The following GMDS variants were observed in gnomAD, a reference collection of about 807,000 sequenced individuals.
GMDS encodes GDP-mannose 4,6 dehydratase.
Under a neutral mutation model 49.9 loss-of-function variants are expected in GMDS, and 20 were observed. The ratio of observed to expected loss-of-function variants is 0.40; its 90% CI spans 0.28 to 0.58. The LOEUF (loss-of-function observed/expected upper bound fraction) is 0.58. Among genes scored for constraint, GMDS ranks in the 20% least tolerant of loss-of-function variants. The pLI is 0.42. For synonymous variants in GMDS, 177 were observed against 178.6 expected, an observed-to-expected ratio of 0.99 and a Z score of 0.07; for missense variants, 362 against 481.4, an observed-to-expected ratio of 0.75 and a Z score of 2.32.
At chr6:1,641,363 A>C (rs1340915228) in intron 9 of GMDS, among the ~76,000 whole-genome samples, 1 of 152,230 alleles carries the variant, frequency 6.6e-6, no homozygotes, top group Non-Finnish European at 1.5e-5. Context: ...AGCTGGTGGC[A>C]CTCAGAAAGT....
intron 4 of GMDS, among the ~76,000 whole-genome samples, chr6:2,073,336 T>C (rs1581611940): frequency 6.6e-6 from 1 of 152,248 alleles, no homozygotes; most frequent in East Asian, 1.9e-4. Flanking sequence ...AATGACACTC[T>C]GTTTATAGGC....
intron 7 of GMDS, among the ~76,000 whole-genome samples, chr6:1,924,236 T>C (rs1215073973): frequency 6.6e-6 from 1 of 152,244 alleles, no homozygotes; most frequent in Non-Finnish European, 1.5e-5. Context: ...TGATTCAGTC[T>C]GTGCTCACTG....
intron 7 of GMDS, among the ~76,000 whole-genome samples, chr6:1,782,416 A>C (rs1295644115): frequency 6.6e-6 from 1 of 152,236 alleles, no homozygotes; most frequent in Non-Finnish European, 1.5e-5. Flanking sequence ...TTATTATCTC[A>C]TCAGAGGCCA....
intron 6 of GMDS, among the ~76,000 whole-genome samples, chr6:1,938,069 T>C (rs1366926208): frequency 6.6e-6 from 1 of 152,192 alleles, no homozygotes; most frequent in Non-Finnish European, 1.5e-5. Context: ...GGGCATTGTT[T>C]CCTCACTTAA....
At chr6:1,994,547 C>T (rs974276143) in intron 4 of GMDS, among the ~76,000 whole-genome samples, 2 of 152,044 alleles carry the variant, frequency 1.3e-5, no homozygotes, top group Non-Finnish European at 1.5e-5. Flanking sequence ...ATAAATGAGG[C>T]GCAAACTTTG....
chr6:1,822,191 G>A (rs1397850646), intron 7 of GMDS, among the ~76,000 whole-genome samples: 1 of 152,160 alleles, frequency 6.6e-6, no homozygotes, highest in Non-Finnish European at 1.5e-5. Flanking sequence ...GTGAAAGGTA[G>A]CTTTCTGACC....
chr6:2,201,796 T>C (rs1779549304), intron 1 of GMDS, among the ~76,000 whole-genome samples: 1 of 131,582 alleles, frequency 7.6e-6, no homozygotes, highest in Admixed American at 7.9e-5. Context: ...GATGTAACCA[T>C]CTAGGCAGTG....
At chr6:1,858,507 C>G (rs1758040481) in intron 7 of GMDS, among the ~76,000 whole-genome samples, 1 of 151,936 alleles carries the variant, frequency 6.6e-6, no homozygotes, top group Non-Finnish European at 1.5e-5. Flanking sequence ...TCATTTTTTT[C>G]TACTACTTCA....
intron 7 of GMDS, among the ~76,000 whole-genome samples, chr6:1,818,163 A>G (rs1770744738): frequency 6.6e-6 from 1 of 152,222 alleles, no homozygotes; most frequent in Non-Finnish European, 1.5e-5. Context: ...CCAAAAATGA[A>G]TATATCTCCT....
intron 1 of GMDS, among the ~76,000 whole-genome samples, chr6:2,241,657 C>A (rs1430009918): frequency 1.3e-5 from 2 of 152,140 alleles, no homozygotes; most frequent in Admixed American, 6.5e-5. Context: ...GCACCCCACA[C>A]CCCACCCCAC....
chr6:1,921,335 T>C (rs2113903790), intron 7 of GMDS, among the ~76,000 whole-genome samples: 1 of 152,322 alleles, frequency 6.6e-6, no homozygotes, highest in Middle Eastern at 3.4e-3. Context: ...ACTCAATTCA[T>C]ACTAGAAATA....
intron 4 of GMDS, among the ~76,000 whole-genome samples, chr6:2,056,765 T>C (rs1437415843): frequency 6.6e-6 from 1 of 152,242 alleles, no homozygotes; most frequent in Non-Finnish European, 1.5e-5. Flanking sequence ...AATCTTGTTT[T>C]AGAATAATTT....
At chr6:1,798,503 G>A (rs916564003) in intron 7 of GMDS, among the ~76,000 whole-genome samples, 2 of 152,176 alleles carry the variant, frequency 1.3e-5, no homozygotes, top group African/African-American at 4.8e-5. Flanking sequence ...GGGTGGGTCT[G>A]GAAGAGCATC....
At chr6:1,633,996 CT>C (rs1763071882) in intron 9 of GMDS, among the ~76,000 whole-genome samples, 1 of 152,336 alleles carries the variant, frequency 6.6e-6, no homozygotes, top group Admixed American at 6.5e-5. Context: ...AAGTATGGAA[CT>C]GACTATAAAC....
chr6:2,194,666 GTTATT>G (rs1006260243), intron 1 of GMDS, among the ~76,000 whole-genome samples: 4 of 152,258 alleles, frequency 2.6e-5, no homozygotes, highest in Non-Finnish European at 5.9e-5. Context: ...ACACTTTTTG[GTTATT>G]TTATTTCCTA....
chr6:1,908,454 C>G (rs1760887013), intron 7 of GMDS, among the ~76,000 whole-genome samples: 1 of 152,146 alleles, frequency 6.6e-6, no homozygotes, highest in African/African-American at 2.4e-5. Context: ...CAAATGTAGA[C>G]CAATTTTGTT....
At chr6:1,650,432 A>G (rs1763616436) in intron 9 of GMDS, among the ~76,000 whole-genome samples, 1 of 152,148 alleles carries the variant, frequency 6.6e-6, no homozygotes, top group Non-Finnish European at 1.5e-5. Context: ...CCTTTTAAGA[A>G]CGTGTGAAAT....
rs1044464763 is a variant in GMDS, at chr6:1,935,509, A to C, written c.644-5279T>G. ...AATTAAGTCTCAATGGAAAGTTAAGATTTCTTAGTTCTTTTATTAATAGAT... is the reference window on the plus strand; with the variant it reads ...AATTAAGTCTCAATGGAAAGTTAAGCTTTCTTAGTTCTTTTATTAATAGAT... On this transcript the variant is annotated intron_variant, in intron 6 of 10. Transcript: ENST00000380815. Among the ~76,000 whole-genome samples the C allele has an allele frequency of 1.6e-4, 24 of 152,304 alleles. 1 individual carries two copies. The highest frequency in any genetic ancestry group is 2.1e-4 in the Non-Finnish European group (14 of 68,036).
intron 1 of GMDS, among the ~76,000 whole-genome samples, chr6:2,205,409 A>C (rs570790937): frequency 8.5e-4 from 130 of 152,240 alleles, no homozygotes; most frequent in Non-Finnish European, 1.4e-3. Flanking sequence ...CTCTAATCCA[A>C]AGCACACTGT....
Sources: gnomAD v4.1 joint callset for allele counts (sites outside exome capture counted in the v4.1 genomes callset) on GRCh38, gnomAD v4.1.1 for gene constraint, MANE v1.5 for transcripts, NCBI Gene and HGNC (gene_info 2026-07-23, HGNC 2026-07-21) for gene names.